The following DPP10 variants were observed in gnomAD, a reference collection of about 807,000 sequenced individuals.
The protein encoded by DPP10 is dipeptidyl peptidase like 10.
Under a neutral mutation model 120.9 loss-of-function variants are expected in DPP10, and 33 were observed. That is an observed-to-expected ratio of 0.27 (90% CI 0.21 to 0.37). The LOEUF is 0.37. Ranked by LOEUF, DPP10 falls within the 10% of genes least tolerant of loss-of-function variation. The probability of loss-of-function intolerance (pLI) is 1.00; values close to 1 mark genes in which losing one functional copy is unlikely to be tolerated. For missense variants in DPP10, 816 were observed against 942.8 expected (o/e 0.87, Z 1.76); for synonymous variants, 337 against 326.1 (o/e 1.03, Z -0.36).
rs144594575 is a variant in DPP10 at position 114,847,813 on chromosome 2, A to C, written c.60+404975A>C. Reference sequence around the variant, plus strand: ...AATCATTAAAATGCACAAAATAAATAATAAGACAGTGCTAAAAATGGGGGA... The same window carrying C: ...AATCATTAAAATGCACAAAATAAATCATAAGACAGTGCTAAAAATGGGGGA... On this transcript the variant is annotated intron_variant, in intron 1 of 25. Transcript: ENST00000410059. Among the ~76,000 whole-genome samples, 527 of 152,294 alleles carry C rather than the reference A, an allele frequency of 3.5e-3. 15 individuals carry two copies. Among genetic ancestry groups the C allele is most frequent in the Admixed American group, 0.031 (475 of 15,288 alleles).
chr2:115,069,735 G>A (rs7593500), intron 1 of DPP10, among the ~76,000 whole-genome samples: 121,724 of 151,718 alleles, frequency 0.8, 49,041 homozygotes, highest in South Asian at 0.86. Context: ...CTCGAATCGC[G>A]TGCTGATGAA....
chr2:114,862,895 C>CA lies in DPP10; in HGVS notation c.60+420075dup, dbSNP rs759224817. Among the ~76,000 whole-genome samples, 373 of 39,480 alleles carry CA rather than the reference C, an allele frequency of 9.4e-3. 1 individual carries two copies. The highest frequency in any genetic ancestry group is 0.029 in the African/African-American group (356 of 12,196). The allele number at this position is 39,480 out of a possible 152,430, so 25.9% of individuals were successfully genotyped here. On this transcript the variant is annotated intron_variant, in intron 1 of 25. Coordinates refer to ENST00000410059, the MANE Select transcript of DPP10 (RefSeq NM_020868.6). ...TGTGTTGAAGTTTTCATTTTAGGACCAAAAAAAAAAAAAAAAAACCCCTCT... is the reference window on the plus strand; with the variant it reads ...TGTGTTGAAGTTTTCATTTTAGGACCAAAAAAAAAAAAAAAAAAACCCCTCT...
intron 3 of DPP10, among the ~76,000 whole-genome samples, chr2:115,367,353 G>A (rs2039869112): frequency 1.3e-5 from 2 of 151,832 alleles, no homozygotes; most frequent in Non-Finnish European, 2.9e-5. Context: ...TATAGGTCAC[G>A]GATGTTCTTC....
intron 1 of DPP10, among the ~76,000 whole-genome samples, chr2:114,881,205 T>C (rs558634436): frequency 6.6e-6 from 1 of 152,256 alleles, no homozygotes; most frequent in South Asian, 2.1e-4. Context: ...CACTGTGCTC[T>C]TGATAATGGG....
intron 1 of DPP10, among the ~76,000 whole-genome samples, chr2:115,113,666 T>C (rs2049348958): frequency 6.6e-6 from 1 of 152,126 alleles, no homozygotes; most frequent in South Asian, 2.1e-4. Flanking sequence ...TCATCTCCTC[T>C]CCACTTCCTT....
Position 115,166,531 on chromosome 2 carries a change from A to AT in DPP10, c.61-142707dup, listed in dbSNP as rs1158538289. 2.7e-4 allele frequency among the ~76,000 whole-genome samples: 40 copies of AT among 146,568 alleles called. 1 individual carries two copies. The highest frequency in any genetic ancestry group is 9.6e-4 in the African/African-American group (39 of 40,576). On this transcript the variant is annotated intron_variant, in intron 1 of 25. Coordinates refer to ENST00000410059, the MANE Select transcript of DPP10 (RefSeq NM_020868.6). ...ATATAAATTTATAATATAAATATATATATAAATTTATAATATAAATATATA... is the reference window on the plus strand; with the variant it reads ...ATATAAATTTATAATATAAATATATATTATAAATTTATAATATAAATATATA...
intron 5 of DPP10, among the ~76,000 whole-genome samples, chr2:115,541,710 A>G (rs969009447): frequency 2.6e-5 from 4 of 151,886 alleles, no homozygotes; most frequent in African/African-American, 7.2e-5. Flanking sequence ...AATTCATTCA[A>G]TAACTATCCA....
chr2:115,046,358 A>C (rs1020734090), intron 1 of DPP10, among the ~76,000 whole-genome samples: 1 of 152,226 alleles, frequency 6.6e-6, no homozygotes, highest in African/African-American at 2.4e-5. Context: ...CACCATTTGA[A>C]TTCTTGCAGA....
chr2:114,874,300 A>G (rs1690964663), intron 1 of DPP10, among the ~76,000 whole-genome samples: 1 of 152,186 alleles, frequency 6.6e-6, no homozygotes. Context: ...GCTCGAGATC[A>G]CAAATGATGG....
At chr2:114,885,167 G>C (rs1373992524) in intron 1 of DPP10, among the ~76,000 whole-genome samples, 4 of 152,204 alleles carry the variant, frequency 2.6e-5, no homozygotes, top group Non-Finnish European at 5.9e-5. Context: ...GAAGCATGCT[G>C]CTGGCATCTA....
chr2:115,161,981 C>CA, intron 1 of DPP10: 1 of 1,406,826 alleles, frequency 7.1e-7, no homozygotes, highest in Admixed American at 3.3e-5. Context: ...GCAGGAGCCG[C>CA]AGCCCACCCC....
chr2:115,631,136 C>G (rs2085833518), intron 5 of DPP10, among the ~76,000 whole-genome samples: 2 of 149,188 alleles, frequency 1.3e-5, no homozygotes, highest in Admixed American at 6.8e-5. Flanking sequence ...CAACTTCTTC[C>G]TCGTTCAGTC....
chr2:115,572,522 T>C (rs1269139566), intron 5 of DPP10, among the ~76,000 whole-genome samples: 4 of 152,338 alleles, frequency 2.6e-5, no homozygotes, highest in Non-Finnish European at 2.9e-5. Context: ...ATGTGTATGT[T>C]ATATGCATAC....
At chr2:115,336,697 G>C (rs1189495604) in intron 2 of DPP10, among the ~76,000 whole-genome samples, 1 of 151,618 alleles carries the variant, frequency 6.6e-6, no homozygotes, top group East Asian at 1.9e-4. Flanking sequence ...CCTATGAGAG[G>C]TGAATATTAA....
chr2:114,517,943 G>A (rs183203307), intron 1 of DPP10, among the ~76,000 whole-genome samples: 7 of 152,022 alleles, frequency 4.6e-5, no homozygotes, highest in East Asian at 1.9e-4. Context: ...TTTCGTCTTC[G>A]TCTTCTGCAC....
chr2:115,822,120 T>C (rs915649946), intron 21 of DPP10, among the ~76,000 whole-genome samples: 3 of 152,034 alleles, frequency 2.0e-5, no homozygotes, highest in Non-Finnish European at 4.4e-5. Flanking sequence ...TGATAACTGA[T>C]AATACTGGAC....
chr2:115,470,423 C>A (rs2074630015), intron 3 of DPP10, among the ~76,000 whole-genome samples: 1 of 152,098 alleles, frequency 6.6e-6, no homozygotes, highest in Admixed American at 6.6e-5. Flanking sequence ...CAGAAAAAAA[C>A]CTGGCCATCA....
intron 1 of DPP10, among the ~76,000 whole-genome samples, chr2:115,150,486 T>C (rs1003188280): frequency 9.8e-5 from 15 of 152,340 alleles, no homozygotes; most frequent in African/African-American, 3.1e-4. Flanking sequence ...AAAGTAACTA[T>C]ACAAATATTA....
At chr2:115,189,634 C>T (rs188443487) in intron 1 of DPP10, among the ~76,000 whole-genome samples, 3 of 152,208 alleles carry the variant, frequency 2.0e-5, no homozygotes, top group Admixed American at 1.3e-4. Context: ...ACTTCCTTAA[C>T]ATGACTTGGC....
Sources: gnomAD v4.1 joint callset for allele counts (sites outside exome capture counted in the v4.1 genomes callset) on GRCh38, gnomAD v4.1.1 for gene constraint, MANE v1.5 for transcripts, NCBI Gene and HGNC (gene_info 2026-07-23, HGNC 2026-07-21) for gene names.